Variants in PLSCR4 observed in about 807,000 individuals in gnomAD.
The protein encoded by PLSCR4 is phospholipid scramblase 4.
A neutral mutation model predicts 36.3 loss-of-function variants in PLSCR4; 25 were observed. The observed-to-expected ratio is 0.69, with a 90% CI of 0.50 to 0.96. PLSCR4 has a LOEUF of 0.96. Among genes scored for constraint, PLSCR4 ranks in the 40% least tolerant of loss-of-function variants. PLSCR4 has a pLI of 0.00. For missense variants in PLSCR4, 408 were observed against 414.7 expected (o/e 0.98, Z 0.14); for synonymous variants, 122 against 132.9 (o/e 0.92, Z 0.56).
chr3:146,230,699 G>A (rs890077347), intron 1 of PLSCR4, among the ~76,000 whole-genome samples: 6 of 152,034 alleles, frequency 3.9e-5, no homozygotes, highest in African/African-American at 1.4e-4. Context: ...AAAGGAGAGG[G>A]ACAGGAGGAA....
At chr3:146,201,451 TGTTTA>T (rs1370924493) in intron 4 of PLSCR4, among the ~76,000 whole-genome samples, 2 of 152,110 alleles carry the variant, frequency 1.3e-5, no homozygotes, top group East Asian at 1.9e-4. Context: ...AGCCTGTAGT[TGTTTA>T]GTTAAGTTCA....
rs2108215893 is a variant in PLSCR4, at chr3:146,199,796, G to C, written c.624+17C>G. On this transcript the variant is annotated intron_variant, in intron 6 of 8. Transcript: ENST00000354952. ...TAGATCAGAAGCAAGCTGTGGATCAGACTTCCATTCTCTGACCTCTTGTCT... is the reference window on the plus strand; with the variant it reads ...TAGATCAGAAGCAAGCTGTGGATCACACTTCCATTCTCTGACCTCTTGTCT... 6.3e-7 allele frequency: 1 copy of C among 1,588,886 alleles called. No homozygotes were observed.
At chr3:146,222,288 A>G in intron 1 of PLSCR4, 196 bp from the exon 2 acceptor site, 1 of 307,490 alleles carries the variant, frequency 3.3e-6, no homozygotes, top group Non-Finnish European at 6.1e-6. Context: ...GAGTACAGCA[A>G]TGAAGCAGAC....
intron 1 of PLSCR4, among the ~76,000 whole-genome samples, chr3:146,232,555 C>T (rs992920097): frequency 7.2e-5 from 11 of 152,072 alleles, no homozygotes; most frequent in African/African-American, 2.4e-4. Flanking sequence ...AAATCTTTCA[C>T]CTCCGCAGTT....
intron 3 of PLSCR4, among the ~76,000 whole-genome samples, chr3:146,220,553 T>C (rs757181048): frequency 1.1e-4 from 17 of 152,324 alleles, no homozygotes; most frequent in Middle Eastern, 3.4e-3. Context: ...TTCTGTGTCC[T>C]TACAACACTC....
intron 3 of PLSCR4, among the ~76,000 whole-genome samples, chr3:146,208,578 C>G (rs1559905792): frequency 6.6e-6 from 1 of 152,168 alleles, no homozygotes; most frequent in East Asian, 1.9e-4. Flanking sequence ...AAAATACAAA[C>G]AATCCCATCA....
chr3:146,214,734 A>T (rs1337344151), intron 3 of PLSCR4, among the ~76,000 whole-genome samples: 3 of 152,194 alleles, frequency 2.0e-5, no homozygotes, highest in Non-Finnish European at 4.4e-5. Context: ...TGTTGGGTAG[A>T]GTGTTCTATT....
At chr3:146,208,629 A>C (rs2034463033) in intron 3 of PLSCR4, among the ~76,000 whole-genome samples, 1 of 152,182 alleles carries the variant, frequency 6.6e-6, no homozygotes, top group African/African-American at 2.4e-5. Context: ...TCTCAAAAGA[A>C]GATACACAAA....
intron 1 of PLSCR4, among the ~76,000 whole-genome samples, chr3:146,227,067 GT>G: frequency 6.6e-6 from 1 of 152,284 alleles, no homozygotes; most frequent in South Asian, 2.1e-4. Context: ...CATGAATGTT[GT>G]TAACTTAATC....
Position 146,220,810 on chromosome 3 carries a change from C to T in PLSCR4, c.118+5G>A, listed in dbSNP as rs757100114. 2 of 1,540,918 alleles carry T rather than the reference C, an allele frequency of 1.3e-6. No individual in the cohort carries two copies. Among genetic ancestry groups the T allele is most frequent in the South Asian group, 1.1e-5 (1 of 89,082 alleles). Reference sequence around the variant, plus strand: ...GAGAATATCTTTTATGAATATTTAACCCACCTGGTAAAAAATGAGAATTGT... The same window carrying T: ...GAGAATATCTTTTATGAATATTTAATCCACCTGGTAAAAAATGAGAATTGT... On this transcript the variant is annotated splice_donor_5th_base_variant and intron_variant, in intron 3 of 8. Coordinates refer to ENST00000354952, the MANE Select transcript of PLSCR4 (RefSeq NM_020353.3).
intron 4 of PLSCR4, among the ~76,000 whole-genome samples, 195 bp downstream of exon 4, chr3:146,206,331 A>T (rs1173808473): frequency 6.6e-6 from 1 of 152,042 alleles, no homozygotes; most frequent in Non-Finnish European, 1.5e-5. Context: ...TACTCATCCC[A>T]CTATAAACAT....
intron 1 of PLSCR4, chr3:146,222,401 A>G (rs984036337): frequency 1.2e-5 from 2 of 171,550 alleles, no homozygotes; most frequent in African/African-American, 4.7e-5. Flanking sequence ...TACAGTTATG[A>G]GGAAAACAAT....
intron 1 of PLSCR4, among the ~76,000 whole-genome samples, chr3:146,225,493 T>C (rs1381786951): frequency 6.6e-6 from 1 of 151,960 alleles, no homozygotes; most frequent in East Asian, 1.9e-4. Context: ...GTGGTGCTCG[T>C]CGGGGAGGCT....
chr3:146,229,029 T>C (rs6440421), intron 1 of PLSCR4, among the ~76,000 whole-genome samples: 113,639 of 152,094 alleles, frequency 0.75, 42,790 homozygotes, highest in South Asian at 0.81. Flanking sequence ...AAATGTCTGA[T>C]GTATTAACTA....
chr3:146,223,313 G>A (rs554913532), intron 1 of PLSCR4, among the ~76,000 whole-genome samples: 10 of 152,138 alleles, frequency 6.6e-5, no homozygotes, highest in Non-Finnish European at 1.3e-4. Flanking sequence ...TGAGTTCTGA[G>A]TAATGACAAA....
intron 1 of PLSCR4, among the ~76,000 whole-genome samples, chr3:146,236,464 T>A (rs2035922019): frequency 6.6e-6 from 1 of 152,154 alleles, no homozygotes; most frequent in Non-Finnish European, 1.5e-5. Context: ...CGAAATTTCA[T>A]ATTGAATTCC....
chr3:146,199,973 AT>A lies in PLSCR4; in HGVS notation c.463del (p.Ile155LeufsTer2), dbSNP rs2033960606. 6.2e-7 allele frequency: 1 copy of A among 1,613,206 alleles called. No individual in the cohort carries two copies. Among genetic ancestry groups the A allele is most frequent in the East Asian group, 2.2e-5 (1 of 44,858 alleles). ...AAAGTCATCTGTGTCTTCGGTTACAATGTAAACCATCTGGTCTGAGTTGTTT... is the reference window on the plus strand; with the variant it reads ...AAAGTCATCTGTGTCTTCGGTTACAAGTAAACCATCTGGTCTGAGTTGTTT... ...IKNNSDQMVY[I>X]VTEDTDDFTR... On this transcript the variant is annotated frameshift_variant, in exon 6 of 9. Coordinates refer to ENST00000354952, the MANE Select transcript of PLSCR4 (RefSeq NM_020353.3). LOFTEE classifies it high-confidence loss of function.
chr3:146,208,651 T>C (rs9756128), intron 3 of PLSCR4, among the ~76,000 whole-genome samples: 112,279 of 152,056 alleles, frequency 0.74, 41,752 homozygotes, highest in South Asian at 0.81. Context: ...GGCCAACAAT[T>C]GTATGAAAAA....
At chr3:146,220,539 T>C (rs1318752853) in intron 3 of PLSCR4, among the ~76,000 whole-genome samples, 1 of 152,196 alleles carries the variant, frequency 6.6e-6, no homozygotes, top group African/African-American at 2.4e-5. Flanking sequence ...TGTCAAATAC[T>C]GTCTTCTGTG....
Sources: gnomAD v4.1 joint callset for allele counts (sites outside exome capture counted in the v4.1 genomes callset) on GRCh38, gnomAD v4.1.1 for gene constraint, MANE v1.5 for transcripts, NCBI Gene and HGNC (gene_info 2026-07-23, HGNC 2026-07-21) for gene names.